Variants in PLAC1 observed in about 807,000 individuals in gnomAD.
PLAC1 encodes the protein placenta-specific protein 1.
For missense variants in PLAC1, 136 were observed against 163.2 expected (o/e 0.83, Z 0.91); for synonymous variants, 68 against 62.1 (o/e 1.09, Z -0.44).
At chrX:134,580,935 C>G (rs756846069) in intron 2 of PLAC1, among the ~76,000 whole-genome samples, 3 of 111,740 alleles carry the variant, frequency 2.7e-5, no homozygotes, top group Non-Finnish European at 5.6e-5. Context: ...GATACGGCAA[C>G]CCCAAACTAA....
intron 1 of PLAC1, among the ~76,000 whole-genome samples, chrX:134,745,353 T>C (rs1454577404): frequency 2.7e-5 from 3 of 111,606 alleles, no homozygotes; most frequent in Admixed American, 9.5e-5. Flanking sequence ...TAGCGAGGTA[T>C]AGCTGAAAAA....
rs545237127 is a variant in PLAC1, at chrX:134,655,332, T to TACACACACACAC, written c.-131+2984_-131+2995dup. Among the ~76,000 whole-genome samples, 440 of 99,141 alleles carry TACACACACACAC rather than the reference T, an allele frequency of 4.4e-3. 3 individuals are homozygous for TACACACACACAC. Among genetic ancestry groups the TACACACACACAC allele is most frequent in the African/African-American group, 0.016 (415 of 26,410 alleles). The allele number at this position is 99,141 out of a possible 115,157, so 86.1% of individuals were successfully genotyped here. The stretch of plus-strand genomic sequence containing the variant: ...TTCTGTTTCTATCAGTCAATCTATT[T>TACACACACACAC]ACACACACACACACACACACACACA... On this transcript the variant is annotated intron_variant, in intron 1 of 2. Transcript: ENST00000359237.
intron 2 of PLAC1, among the ~76,000 whole-genome samples, chrX:134,709,805 G>A (rs1272103203): frequency 9.0e-6 from 1 of 111,282 alleles, no homozygotes; most frequent in Non-Finnish European, 1.9e-5. Context: ...GATACAATTA[G>A]ATAACTTATT....
chrX:134,680,135 T>C (rs2078489366), intron 2 of PLAC1, among the ~76,000 whole-genome samples: 1 of 111,891 alleles, frequency 8.9e-6, no homozygotes, highest in Non-Finnish European at 1.9e-5. Context: ...AATATTGCAA[T>C]TTGGACATTT....
intron 2 of PLAC1, among the ~76,000 whole-genome samples, chrX:134,691,192 C>A (rs2078540052): frequency 9.8e-6 from 1 of 102,020 alleles, no homozygotes; most frequent in Admixed American, 1.1e-4. Context: ...TGACTCAAAT[C>A]TGATACATGT....
intron 2 of PLAC1, among the ~76,000 whole-genome samples, chrX:134,669,448 G>A (rs1386529024): frequency 2.7e-5 from 3 of 112,388 alleles, no homozygotes; most frequent in South Asian, 3.7e-4. Flanking sequence ...AGTGACTTGC[G>A]CATTGTAAGC....
chrX:134,621,429 G>GAGC (rs929975775), intron 1 of PLAC1, among the ~76,000 whole-genome samples: 1 of 73,039 alleles, frequency 1.4e-5, no homozygotes, highest in Non-Finnish European at 2.3e-5. Context: ...CCGGGCAACA[G>GAGC]AGCAGGCTCT....
upstream of PLAC1, among the ~76,000 whole-genome samples, chrX:134,662,600 A>C (rs955151015): frequency 8.9e-6 from 1 of 112,282 alleles, no homozygotes; most frequent in Non-Finnish European, 1.9e-5. Context: ...TACATTTTTA[A>C]AGGGTTGTAA....
At chrX:134,753,991 A>C (rs746113820) in intron 1 of PLAC1, among the ~76,000 whole-genome samples, 2 of 112,595 alleles carry the variant, frequency 1.8e-5, no homozygotes, top group Non-Finnish European at 3.7e-5. Context: ...TCCATAGACT[A>C]AAATATTGCA....
chrX:134,581,722 A>G (rs892677373), intron 2 of PLAC1, among the ~76,000 whole-genome samples: 25 of 109,278 alleles, frequency 2.3e-4, no homozygotes, highest in South Asian at 1.2e-3. Context: ...CAAGTGATCC[A>G]CCCGCCTCGG....
intron 2 of PLAC1, among the ~76,000 whole-genome samples, chrX:134,572,587 A>G (rs1228262616): frequency 9.0e-6 from 1 of 111,505 alleles, no homozygotes; most frequent in Admixed American, 9.6e-5. Flanking sequence ...CCTTGACCGA[A>G]CCCTTAAAAA....
intron 2 of PLAC1, among the ~76,000 whole-genome samples, chrX:134,718,208 G>A (rs750111953): frequency 9.0e-6 from 1 of 111,664 alleles, no homozygotes; most frequent in African/African-American, 3.3e-5. Context: ...GGGGTCTGGA[G>A]AAGTGTAAGC....
intron 2 of PLAC1, among the ~76,000 whole-genome samples, chrX:134,598,455 C>T (rs1326794805): frequency 2.7e-5 from 3 of 111,852 alleles, no homozygotes; most frequent in African/African-American, 6.5e-5. Flanking sequence ...TATGGGAAAA[C>T]AAGAAAAGTG....
At chrX:134,716,306 C>CA (rs1406867877) in intron 2 of PLAC1, among the ~76,000 whole-genome samples, 2 of 112,275 alleles carry the variant, frequency 1.8e-5, no homozygotes, top group Non-Finnish European at 3.8e-5. Flanking sequence ...CTGCTAATGG[C>CA]AAAAAAGACA....
chrX:134,596,462 T>C (rs746148384), intron 2 of PLAC1, among the ~76,000 whole-genome samples: 1 of 112,480 alleles, frequency 8.9e-6, no homozygotes, highest in African/African-American at 3.2e-5. Context: ...AAGGATATTT[T>C]TGTGGGATAT....
At chrX:134,589,416 T>A (rs891202123) in intron 2 of PLAC1, among the ~76,000 whole-genome samples, 1 of 111,174 alleles carries the variant, frequency 9.0e-6, no homozygotes, top group Non-Finnish European at 1.9e-5. Flanking sequence ...TGCAGAAGAT[T>A]CAGGGCTTGG....
At chrX:134,717,979 C>A (rs1261705955) in intron 2 of PLAC1, among the ~76,000 whole-genome samples, 1 of 112,213 alleles carries the variant, frequency 8.9e-6, no homozygotes, top group African/African-American at 3.2e-5. Context: ...ATGTGTGACA[C>A]TTTTGATCAA....
chrX:134,566,606 A>T lies in PLAC1; in HGVS notation c.77T>A (p.Met26Lys). 8.3e-7 allele frequency: 1 copy of T among 1,210,664 alleles called. No homozygotes were observed. Residue 26 changes from methionine (M) to lysine (K), a missense_variant, in exon 3 of 3, where the codon ATG becomes AAG. Transcript: ENST00000359237. ...CCAGTCTATGGAGCACAGCACAGTC[A>T]TTGGACTTTGTCCTGAACCGGCTGA... ...AFSAGSGQSP[M>K]TVLCSIDWFM... is the part of the protein sequence containing the mutation.
chrX:134,663,252 T>C (rs891887180), upstream of PLAC1, among the ~76,000 whole-genome samples: 16 of 113,064 alleles, frequency 1.4e-4, no homozygotes, highest in Non-Finnish European at 2.4e-4. Flanking sequence ...CAACCAATAC[T>C]TATGTCAGAA....
Sources: gnomAD v4.1 joint callset for allele counts (sites outside exome capture counted in the v4.1 genomes callset) on GRCh38, gnomAD v4.1.1 for gene constraint, MANE v1.5 for transcripts, NCBI Gene and HGNC (gene_info 2026-07-23, HGNC 2026-07-21) for gene names.